EML6: variants seen among roughly 807,000 people sequenced by gnomAD.
EML6 encodes the protein echinoderm microtubule-associated protein-like 6.
In EML6, 154 loss-of-function variants were observed where a neutral mutation model predicts 240.1. That is an observed-to-expected ratio of 0.64 (90% CI 0.56 to 0.73). The LOEUF (loss-of-function observed/expected upper bound fraction) is 0.73. EML6 is among the 30% of genes least tolerant of loss of function. EML6 has a pLI of 0.00. For synonymous variants in EML6, 1,148 were observed against 899.0 expected (o/e 1.28, Z -4.95); for missense variants, 2,964 against 2,474.6 (o/e 1.20, Z -4.20).
intron 25 of EML6, among the ~76,000 whole-genome samples, chr2:54,916,022 C>G (rs1673891915): frequency 6.6e-6 from 1 of 152,168 alleles, no homozygotes; most frequent in South Asian, 2.1e-4. Flanking sequence ...TACAAATATT[C>G]TAGCCAAGAA....
intron 5 of EML6, among the ~76,000 whole-genome samples, chr2:54,823,662 G>A (rs190236533): frequency 1.2e-4 from 19 of 152,236 alleles, no homozygotes; most frequent in Non-Finnish European, 2.4e-4. Flanking sequence ...CTGTTAGGCT[G>A]TGGTGGGTTT....
At chr2:54,803,813 G>C (rs1432038012) in intron 2 of EML6, among the ~76,000 whole-genome samples, 1 of 152,168 alleles carries the variant, frequency 6.6e-6, no homozygotes, top group Admixed American at 6.5e-5. Flanking sequence ...CCTCCTCTTA[G>C]AGTGTTAGCT....
rs944281323 is a variant in EML6, at chr2:54,832,100, A to G, written c.847+2623A>G. ...AAAAGGCCACTGTGTATCATCAAGC[A>G]TCAAAAGAGATGCCTTCATTCCAGT... is the stretch of plus-strand genomic sequence containing the variant. On this transcript the variant is annotated intron_variant, in intron 7 of 41. Transcript: ENST00000356458. Among the ~76,000 whole-genome samples the G allele has an allele frequency of 9.2e-5, 14 of 152,328 alleles. No individual in the cohort carries two copies. The South Asian group carries it at 2.1e-3, about 23-fold the overall frequency.
At chr2:54,738,187 A>G (rs354195) in intron 2 of EML6, among the ~76,000 whole-genome samples, 38,681 of 151,790 alleles carry the variant, frequency 0.25, 5,991 homozygotes, top group East Asian at 0.59. Flanking sequence ...GGGCTGTTTC[A>G]TTCACTGCTC....
At chr2:54,823,614 A>C (rs752442664) in intron 5 of EML6, among the ~76,000 whole-genome samples, 5 of 152,180 alleles carry the variant, frequency 3.3e-5, no homozygotes, top group Non-Finnish European at 7.4e-5. Context: ...TTCAGCCATG[A>C]GTAAAAAAAA....
At chr2:54,937,901 G>A (rs1044916581) in intron 28 of EML6, among the ~76,000 whole-genome samples, 3 of 152,186 alleles carry the variant, frequency 2.0e-5, no homozygotes, top group African/African-American at 7.2e-5. Context: ...GAGAATCAAA[G>A]CAAAACTTGG....
rs756598048 is a variant in EML6 at position 54,960,213 on chromosome 2, T to C, written c.4854-7T>C. 15 of 1,548,106 alleles carry C rather than the reference T, an allele frequency of 9.7e-6. No individual in the cohort carries two copies. The highest frequency in any genetic ancestry group is 1.2e-5 in the Non-Finnish European group (14 of 1,144,038). On this transcript the variant is annotated splice_region_variant and splice_polypyrimidine_tract_variant and intron_variant, in intron 34 of 41. Coordinates refer to ENST00000356458, the MANE Select transcript of EML6 (RefSeq NM_001039753.4). The stretch of plus-strand genomic sequence containing the variant: ...TAACAGCCTGAGTCCCTTTCAATCT[T>C]TTTTAGGACCAAAGAAGGAGGTGCT...
At chr2:54,936,152 C>G (rs867009412) in intron 28 of EML6, among the ~76,000 whole-genome samples, 21 of 152,320 alleles carry the variant, frequency 1.4e-4, no homozygotes, top group African/African-American at 4.1e-4. Flanking sequence ...GTGCCAATGT[C>G]TACATTTTTT....
At chr2:54,827,486 G>A in intron 5 of EML6, 80 bp from the exon 6 acceptor site, 3 of 1,165,970 alleles carry the variant, frequency 2.6e-6, no homozygotes, top group South Asian at 2.8e-5. Flanking sequence ...TATGTGAAAT[G>A]CACTGAAGTA....
At chr2:54,787,931 C>T (rs1444041076) in intron 2 of EML6, among the ~76,000 whole-genome samples, 1 of 152,196 alleles carries the variant, frequency 6.6e-6, no homozygotes, top group East Asian at 1.9e-4. Flanking sequence ...GTTGAAACTT[C>T]CCTCACCTGT....
At chr2:54,880,193 T>A (rs1158854440) in intron 17 of EML6, 1 of 153,024 alleles carries the variant, frequency 6.5e-6, no homozygotes, top group Non-Finnish European at 1.5e-5. Flanking sequence ...CCAGCCTTCC[T>A]GCCTGCTGAA....
intron 5 of EML6, among the ~76,000 whole-genome samples, chr2:54,823,340 A>C (rs1668418419): frequency 6.6e-6 from 1 of 152,032 alleles, no homozygotes; most frequent in Non-Finnish European, 1.5e-5. Context: ...TTCTGTCAGG[A>C]GTTAAGAGAG....
intron 2 of EML6, among the ~76,000 whole-genome samples, chr2:54,757,587 C>T (rs1667791860): frequency 6.6e-6 from 1 of 152,194 alleles, no homozygotes; most frequent in Non-Finnish European, 1.5e-5. Flanking sequence ...GAGCTTTCCT[C>T]AGCTGGGCAG....
At chr2:54,762,725 T>C (rs1668030605) in intron 2 of EML6, among the ~76,000 whole-genome samples, 1 of 152,240 alleles carries the variant, frequency 6.6e-6, no homozygotes, top group Non-Finnish European at 1.5e-5. Context: ...TTTATAAATT[T>C]GTGTAGCATC....
intron 2 of EML6, among the ~76,000 whole-genome samples, chr2:54,800,858 C>G (rs1670099675): frequency 6.6e-6 from 1 of 152,082 alleles, no homozygotes; most frequent in Non-Finnish European, 1.5e-5. Flanking sequence ...CAGGTAGACT[C>G]TTATTGGGGA....
At chr2:54,886,524 T>C (rs375655641) in intron 17 of EML6, among the ~76,000 whole-genome samples, 45 of 152,324 alleles carry the variant, frequency 3.0e-4, no homozygotes, top group African/African-American at 8.9e-4. Flanking sequence ...CTGGTGAGAA[T>C]GGAAAATGGT....
At chr2:54,840,949 T>C (rs1383420763) in intron 7 of EML6, among the ~76,000 whole-genome samples, 4 of 152,238 alleles carry the variant, frequency 2.6e-5, no homozygotes, top group African/African-American at 7.2e-5. Context: ...AAGTAGATGA[T>C]GCAAAGCCTG....
chr2:54,802,130 C>T (rs540678914), intron 2 of EML6, among the ~76,000 whole-genome samples: 1 of 152,124 alleles, frequency 6.6e-6, no homozygotes, highest in Non-Finnish European at 1.5e-5. Flanking sequence ...ATGGAAAAAA[C>T]AGACTATAAA....
rs1682835275 is a variant in EML6 at position 54,724,947 on chromosome 2, G to T, written c.-115G>T. The T allele has an allele frequency of 4.7e-6, 4 of 853,268 alleles. No individual in the cohort carries two copies. Among genetic ancestry groups the T allele is most frequent in the South Asian group, 1.1e-4 (2 of 17,516 alleles). The allele number at this position is 853,268 out of a possible 1,614,324, so 52.9% of individuals were successfully genotyped here. A position where few individuals can be genotyped will look rare whatever the true frequency, so the allele number is the denominator to read the frequency against. On this transcript the variant is annotated 5_prime_UTR_variant, in exon 2 of 42. Coordinates refer to ENST00000356458, the MANE Select transcript of EML6 (RefSeq NM_001039753.4). The surrounding 1 kb of genome is among the most constrained non-coding windows in gnomAD (Gnocchi z 5.2). ...CTGGGCTGTGCCTGTGTGTCGCCGC[G>T]GAAATCAGCGCCCTGCGCCGCGCGC...
Sources: allele counts gnomAD v4.1 joint callset (sites outside exome capture counted in the v4.1 genomes callset), GRCh38; gene constraint gnomAD v4.1.1; non-coding constraint Gnocchi (gnomAD v3.1); transcripts MANE v1.5; gene names NCBI Gene and HGNC (gene_info 2026-07-23, HGNC 2026-07-21).